Variants in SLC35H1 observed in about 807,000 individuals in gnomAD.
SLC35H1 encodes the protein ovarian cancer-overexpressed gene 1 protein.
the SLC35H1 span, chr20:46,352,194 G>A: frequency 2.3e-4 from 367 of 1,614,166 alleles, no homozygotes; most frequent in African/African-American, 2.5e-3. Context: ...TCCTGGAAAC[G>A]GAAGATTTTC....
At chr20:46,357,752 T>C in the SLC35H1 span, 59 of 1,613,888 alleles carry the variant, frequency 3.7e-5, no homozygotes, top group Non-Finnish European at 4.9e-5. Flanking sequence ...AGCATCGTCA[T>C]GAAGAGGGGG....
chr20:46,358,803 G>C, the SLC35H1 span: 1 of 1,283,430 alleles, frequency 7.8e-7, no homozygotes, highest in Non-Finnish European at 1.1e-6. Flanking sequence ...CTCAGGCAGA[G>C]ACTGTGCTTC....
the SLC35H1 span, chr20:46,352,074 G>C: frequency 1.2e-6 from 2 of 1,614,224 alleles, no homozygotes; most frequent in South Asian, 1.1e-5. Flanking sequence ...GCAATGGAGA[G>C]AGTGAGGCTG....
chr20:46,351,057 G>A, the SLC35H1 span, among the ~76,000 whole-genome samples: 3 of 152,246 alleles, frequency 2.0e-5, no homozygotes, highest in Non-Finnish European at 2.9e-5. Context: ...GCCGGCTTGC[G>A]GCGCTGTCCC....
the SLC35H1 span, chr20:46,352,424 G>A: frequency 1.2e-5 from 7 of 581,032 alleles, no homozygotes; most frequent in African/African-American, 1.3e-4. Context: ...AACCAGGGAA[G>A]CAGTGATGGC....
the SLC35H1 span, chr20:46,350,797 A>T: frequency 6.2e-7 from 1 of 1,614,092 alleles, no homozygotes; most frequent in Non-Finnish European, 8.5e-7. Context: ...ACGTGGAGGG[A>T]TATTCCCGAG....
At chr20:46,355,708 C>A in the SLC35H1 span, 1 of 1,577,776 alleles carries the variant, frequency 6.3e-7, no homozygotes. The surrounding 1 kb of genome is among the most constrained non-coding windows in gnomAD (Gnocchi z 4.8). Context: ...CTTGTCTCCT[C>A]TGTCACACAG....
At chr20:46,356,610 A>G in the SLC35H1 span, 1 of 1,614,120 alleles carries the variant, frequency 6.2e-7, no homozygotes, top group Non-Finnish European at 8.5e-7. Flanking sequence ...CCAGTTGGAC[A>G]AGCCCACGTC....
chr20:46,352,245 G>T, the SLC35H1 span: 2 of 1,612,620 alleles, frequency 1.2e-6, no homozygotes, highest in South Asian at 2.2e-5. Context: ...AACAGGGAGA[G>T]AGAGTGGGAG....
chr20:46,349,968 C>T, the SLC35H1 span: 1 of 153,742 alleles, frequency 6.5e-6, no homozygotes, highest in Non-Finnish European at 1.4e-5. Context: ...CATTTATTTC[C>T]AAACTATAAA....
chr20:46,357,503 G>A, the SLC35H1 span: 1 of 1,219,116 alleles, frequency 8.2e-7, no homozygotes. Context: ...GGCAGAGGAG[G>A]AACAGTGCAG....
the SLC35H1 span, among the ~76,000 whole-genome samples, chr20:46,358,225 C>T: frequency 1.3e-5 from 2 of 152,224 alleles, no homozygotes; most frequent in African/African-American, 4.8e-5. Flanking sequence ...AAGGGGAACC[C>T]TGGCACGGCA....
the SLC35H1 span, chr20:46,355,006 C>T: frequency 6.2e-7 from 1 of 1,613,732 alleles, no homozygotes; most frequent in Non-Finnish European, 8.5e-7. The surrounding 1 kb of genome is among the most constrained non-coding windows in gnomAD (Gnocchi z 4.8). Flanking sequence ...CTGGTCCGGC[C>T]CTGCCCTGCC....
the SLC35H1 span, chr20:46,350,245 A>G: frequency 9.7e-6 from 9 of 929,368 alleles, no homozygotes; most frequent in Non-Finnish European, 1.3e-5. Flanking sequence ...GGGAGGGGCA[A>G]AAGTCATGAG....
chr20:46,356,330 G>A, the SLC35H1 span, among the ~76,000 whole-genome samples: 1 of 152,234 alleles, frequency 6.6e-6, no homozygotes, highest in Non-Finnish European at 1.5e-5. Flanking sequence ...TGGGGTTCTG[G>A]GAGAGCTCCC....
chr20:46,356,025 C>CTCT, the SLC35H1 span: 1 of 1,181,380 alleles, frequency 8.5e-7, no homozygotes, highest in South Asian at 1.6e-5. Context: ...CAGAAGGAAT[C>CTCT]TCTGACTAAG....
At chr20:46,352,201 T>A in the SLC35H1 span, 5 of 1,614,164 alleles carry the variant, frequency 3.1e-6, no homozygotes, top group Non-Finnish European at 4.2e-6. Flanking sequence ...AACGGAAGAT[T>A]TTCTCAGATG....
At chr20:46,355,665 C>T in the SLC35H1 span, 1 of 1,284,980 alleles carries the variant, frequency 7.8e-7, no homozygotes, top group Non-Finnish European at 1.1e-6. The surrounding 1 kb of genome is among the most constrained non-coding windows in gnomAD (Gnocchi z 4.8). Context: ...TAGGTCCCTT[C>T]TCAGAAAGGG....
the SLC35H1 span, chr20:46,358,247 C>T: frequency 1.3e-6 from 1 of 796,678 alleles, no homozygotes; most frequent in Non-Finnish European, 2.1e-6. Context: ...GCTTGGAGGG[C>T]CCTGTTCCAG....
Sources: allele counts gnomAD v4.1 joint callset (sites outside exome capture counted in the v4.1 genomes callset), GRCh38; gene constraint gnomAD v4.1.1; non-coding constraint Gnocchi (gnomAD v3.1); transcripts MANE v1.5; gene names NCBI Gene and HGNC (gene_info 2026-07-23, HGNC 2026-07-21).